NF2: variants seen among roughly 807,000 people sequenced by gnomAD.
NF2 encodes merlin.
In NF2, 8 loss-of-function variants were observed where a neutral mutation model predicts 83.7. The observed-to-expected ratio is 0.10, with a 90% CI of 0.06 to 0.17. The LOEUF (loss-of-function observed/expected upper bound fraction) is 0.17, where lower values mean the gene tolerates loss of function less well. NF2 is among the 10% of genes least tolerant of loss of function. NF2 has a pLI of 1.00. For missense variants in NF2, 533 were observed against 744.4 expected, an observed-to-expected ratio of 0.72 and a Z score of 3.31; for synonymous variants, 266 against 269.6, an observed-to-expected ratio of 0.99 and a Z score of 0.13.
intron 14 of NF2, among the ~76,000 whole-genome samples, chr22:29,679,370 G>C (rs2067061086): frequency 6.6e-6 from 1 of 152,200 alleles, no homozygotes; most frequent in South Asian, 2.1e-4. Context: ...AGTAGCCAAT[G>C]AACCAGAGCC....
chr22:29,681,458 A>G lies in NF2; in HGVS notation c.1594A>G (p.Ser532Gly). The change falls in exon 15 of 16, where the codon AGC becomes GGC. Residue 532 changes from serine to glycine, a missense_variant. Ser to Gly is a moderately conservative substitution (Grantham distance 56). Transcript: ENST00000338641. ...EKEKVEYMEK[S>G]KHLQEQLNEL... is the part of the protein sequence containing the mutation. ...CGGCAGAGTGGAATACATGGAAAAG[A>G]GCAAGCATCTGCAGGAGCAGCTCAA... 1.9e-6 allele frequency: 3 copies of G among 1,614,194 alleles called. No individual in the cohort carries two copies. Among genetic ancestry groups the G allele is most frequent in the Non-Finnish European group, 2.5e-6 (3 of 1,180,044 alleles).
chr22:29,640,908 T>C (rs1489617906), intron 3 of NF2, among the ~76,000 whole-genome samples: 1 of 151,190 alleles, frequency 6.6e-6, no homozygotes, highest in African/African-American at 2.4e-5. Flanking sequence ...CCGAGGCGGG[T>C]GGATCACCTG....
intron 15 of NF2, among the ~76,000 whole-genome samples, chr22:29,693,997 C>T (rs182402023): frequency 2.4e-3 from 359 of 152,310 alleles, no homozygotes; most frequent in African/African-American, 8.0e-3. Flanking sequence ...GAGTCAAGGG[C>T]TTAGGAGGTT....
chr22:29,621,702 A>T (rs1350096631), intron 1 of NF2, among the ~76,000 whole-genome samples: 1 of 152,084 alleles, frequency 6.6e-6, no homozygotes, highest in Non-Finnish European at 1.5e-5. Flanking sequence ...TTAAAAAAAT[A>T]AAAAGGAAAT....
chr22:29,663,050 T>G (rs1358637473), intron 8 of NF2, among the ~76,000 whole-genome samples: 2 of 152,178 alleles, frequency 1.3e-5, no homozygotes, highest in African/African-American at 4.8e-5. Context: ...CCATGCTTGA[T>G]AAGACAGACT....
chr22:29,676,135 T>C (rs964761441), intron 13 of NF2, among the ~76,000 whole-genome samples: 2 of 152,084 alleles, frequency 1.3e-5, no homozygotes, highest in African/African-American at 4.8e-5. Flanking sequence ...GCTGAACACC[T>C]GAGATGTGTT....
At chr22:29,681,154 G>A (rs916465709) in intron 14 of NF2, among the ~76,000 whole-genome samples, 2 of 151,734 alleles carry the variant, frequency 1.3e-5, no homozygotes, top group African/African-American at 4.8e-5. Flanking sequence ...GCCACCCAAA[G>A]TACTGGGATT....
intron 1 of NF2, 54 bp downstream of exon 1, chr22:29,604,166 G>C: frequency 1.4e-6 from 2 of 1,401,988 alleles, no homozygotes; most frequent in Non-Finnish European, 2.0e-6. Flanking sequence ...GGAAGCTCGA[G>C]AGGTTCTCTT....
At chr22:29,658,339 C>T in intron 7 of NF2, 75 bp downstream of exon 7, 1 of 1,242,338 alleles carries the variant, frequency 8.0e-7, no homozygotes, top group Non-Finnish European at 1.2e-6. Flanking sequence ...AAAATGGTTA[C>T]TTCTTCATTC....
At chr22:29,683,933 A>G (rs2067212274) in intron 15 of NF2, 1 of 1,031,772 alleles carries the variant, frequency 9.7e-7, no homozygotes, top group South Asian at 4.6e-5. Context: ...CCTAATCCCC[A>G]GTAGTACCCA....
At chr22:29,628,733 C>G (rs1345303655) in intron 1 of NF2, among the ~76,000 whole-genome samples, 1 of 149,542 alleles carries the variant, frequency 6.7e-6, no homozygotes, top group Non-Finnish European at 1.5e-5. Flanking sequence ...CAAGTTCAAG[C>G]GATTCTCCTG....
At chr22:29,616,298 A>G (rs2065079628) in intron 1 of NF2, among the ~76,000 whole-genome samples, 2 of 152,184 alleles carry the variant, frequency 1.3e-5, no homozygotes, top group African/African-American at 4.8e-5. Flanking sequence ...TACACTTTAA[A>G]TGGGTGAATT....
At chr22:29,621,615 T>C (rs1316465814) in intron 1 of NF2, among the ~76,000 whole-genome samples, 1 of 151,728 alleles carries the variant, frequency 6.6e-6, no homozygotes, top group Non-Finnish European at 1.5e-5. Context: ...TGCCATAAGC[T>C]TCCTGATTGC....
chr22:29,636,790 C>T lies in NF2; in HGVS notation c.154C>T (p.Arg52Trp), dbSNP rs764901064. 1.2e-6 allele frequency: 2 copies of T among 1,613,998 alleles called. No individual in the cohort carries two copies. The highest frequency in any genetic ancestry group is 1.3e-5 in the African/African-American group (1 of 74,886). The change falls in exon 2 of 16, where the codon CGG becomes TGG. Residue 52 changes from arginine to tryptophan, a missense_variant. Transcript: ENST00000338641. This position sits in a 1 kb window ranked among gnomAD's most constrained non-coding sequence, Gnocchi z 4.4. ...KGKDLFDLVC[R>W]TLGLRETWFF... ...GAAGGACCTCTTTGATTTGGTGTGC[C>T]GGACTCTGGGGCTCCGAGAAACCTG...
intron 13 of NF2, among the ~76,000 whole-genome samples, chr22:29,676,749 T>C (rs2066974221): frequency 6.6e-6 from 1 of 152,214 alleles, no homozygotes; most frequent in Non-Finnish European, 1.5e-5. Flanking sequence ...TAAATTCTTA[T>C]AATAGAACTG....
chr22:29,692,900 C>T (rs947324190), intron 15 of NF2, among the ~76,000 whole-genome samples: 1 of 152,208 alleles, frequency 6.6e-6, no homozygotes, highest in Non-Finnish European at 1.5e-5. Context: ...CCATCACGCC[C>T]GCTTCACAGT....
At chr22:29,661,967 ATAAT>A (rs1377321582) in intron 8 of NF2, among the ~76,000 whole-genome samples, 6 of 152,226 alleles carry the variant, frequency 3.9e-5, no homozygotes, top group Admixed American at 2.0e-4. Flanking sequence ...GAATTCCAAA[ATAAT>A]TAAGGTGGAA....
chr22:29,675,308 A>G (rs552534402), intron 13 of NF2, among the ~76,000 whole-genome samples: 2 of 152,242 alleles, frequency 1.3e-5, no homozygotes, highest in East Asian at 3.9e-4. Context: ...CATATATCAT[A>G]ATTATAGTTC....
chr22:29,670,264 C>T (rs1051761104), intron 10 of NF2, among the ~76,000 whole-genome samples: 3 of 152,154 alleles, frequency 2.0e-5, no homozygotes, highest in East Asian at 1.9e-4. Context: ...CCCCAAAGTG[C>T]TAGGGTTACA....
Sources: allele counts gnomAD v4.1 joint callset (sites outside exome capture counted in the v4.1 genomes callset), GRCh38; gene constraint gnomAD v4.1.1; non-coding constraint Gnocchi (gnomAD v3.1); transcripts MANE v1.5; gene names NCBI Gene and HGNC (gene_info 2026-07-23, HGNC 2026-07-21).